The following SNX30 variants were observed in gnomAD, a reference collection of about 807,000 sequenced individuals.
The protein encoded by SNX30 is sorting nexin family member 30.
Under a neutral mutation model 46.4 loss-of-function variants are expected in SNX30, and 24 were observed. The observed-to-expected ratio is 0.52, with a 90% CI of 0.37 to 0.73. The LOEUF (loss-of-function observed/expected upper bound fraction) is 0.73, where lower values mean the gene tolerates loss of function less well. Among genes scored for constraint, SNX30 ranks in the 30% least tolerant of loss-of-function variants. The pLI is 0.00. For synonymous variants in SNX30, 189 were observed against 211.5 expected, an observed-to-expected ratio of 0.89 and a Z score of 0.92; for missense variants, 533 against 555.7, an observed-to-expected ratio of 0.96 and a Z score of 0.41.
intron 1 of SNX30, among the ~76,000 whole-genome samples, chr9:112,756,681 G>A (rs1342921514): frequency 2.6e-5 from 4 of 151,922 alleles, no homozygotes; most frequent in Admixed American, 2.0e-4. Context: ...GGCTGGTCTC[G>A]AACTCCTGAC....
chr9:112,786,016 C>T (rs1015203292), intron 1 of SNX30, among the ~76,000 whole-genome samples: 3 of 152,038 alleles, frequency 2.0e-5, no homozygotes, highest in Non-Finnish European at 4.4e-5. Context: ...ATCCTTACAG[C>T]TTATTGATCT....
chr9:112,824,634 G>T (rs1467665430), intron 3 of SNX30, among the ~76,000 whole-genome samples: 3 of 151,974 alleles, frequency 2.0e-5, no homozygotes, highest in South Asian at 4.2e-4. Context: ...CAACATATAG[G>T]CTAGGGCTGC....
intron 7 of SNX30, among the ~76,000 whole-genome samples, chr9:112,854,580 T>G (rs184117438): frequency 9.5e-4 from 145 of 152,344 alleles, no homozygotes; most frequent in African/African-American, 3.3e-3. Flanking sequence ...CTTTGCTGCT[T>G]CTTTAGCAAT....
intron 2 of SNX30, among the ~76,000 whole-genome samples, chr9:112,812,569 A>G (rs1840336653): frequency 6.6e-6 from 1 of 152,134 alleles, no homozygotes; most frequent in Admixed American, 6.6e-5. Flanking sequence ...CATCCCTTTC[A>G]TGATAACTTC....
At chr9:112,766,123 T>C (rs926342699) in intron 1 of SNX30, among the ~76,000 whole-genome samples, 1 of 152,134 alleles carries the variant, frequency 6.6e-6, no homozygotes, top group Non-Finnish European at 1.5e-5. Flanking sequence ...TCTTAGCAGA[T>C]TTTAAGTATA....
chr9:112,857,640 A>G (rs190733522), intron 7 of SNX30, among the ~76,000 whole-genome samples: 51 of 152,280 alleles, frequency 3.3e-4, no homozygotes, highest in Admixed American at 1.7e-3. Context: ...CTAACCTACT[A>G]TCATCATGAG....
intron 7 of SNX30, among the ~76,000 whole-genome samples, chr9:112,860,758 T>A (rs1050659396): frequency 1.3e-5 from 2 of 152,196 alleles, no homozygotes. Flanking sequence ...AATAATATAG[T>A]TTGTATTTGG....
intron 3 of SNX30, among the ~76,000 whole-genome samples, chr9:112,823,486 T>C (rs975634460): frequency 4.6e-5 from 7 of 152,222 alleles, no homozygotes; most frequent in Admixed American, 2.0e-4. Context: ...CCTGGAGCAC[T>C]AGTTACACAG....
Position 112,768,647 on chromosome 9 carries a change from C to CTTCTTCTTCTTT in SNX30, c.156+17492_156+17493insCTTCTTCTTTTT, listed in dbSNP as rs1554748345. On this transcript the variant is annotated intron_variant, in intron 1 of 8. Transcript: ENST00000374232. ...AAGTTTCTCTAGATAATTCTTTCTT[C>CTTCTTCTTCTTT]TTTTTTTTTTTTTTTTTTTTTTTTT... Among the ~76,000 whole-genome samples, 209 of 64,348 alleles carry CTTCTTCTTCTTT rather than the reference C, an allele frequency of 3.2e-3. 29 individuals are homozygous for CTTCTTCTTCTTT. Among genetic ancestry groups the CTTCTTCTTCTTT allele is most frequent in the Middle Eastern group, 7.5e-3 (1 of 134 alleles). The allele number at this position is 64,348 out of a possible 152,430, so 42.2% of individuals were successfully genotyped here. A position where few individuals can be genotyped will look rare whatever the true frequency, so the allele number is the denominator to read the frequency against.
intron 1 of SNX30, among the ~76,000 whole-genome samples, chr9:112,775,962 T>C (rs147069743): frequency 6.6e-6 from 1 of 152,256 alleles, no homozygotes; most frequent in Admixed American, 6.5e-5. Context: ...TTGTTTCAAT[T>C]AGTTCAGCAC....
downstream of SNX30, among the ~76,000 whole-genome samples, chr9:112,883,451 AG>A (rs1841607063): frequency 6.6e-6 from 1 of 151,802 alleles, no homozygotes; most frequent in Non-Finnish European, 1.5e-5. Context: ...AATACCTTGG[AG>A]GCTGTTTCCT....
intron 1 of SNX30, among the ~76,000 whole-genome samples, chr9:112,766,362 T>C (rs1477031953): frequency 6.6e-6 from 1 of 152,126 alleles, no homozygotes; most frequent in Non-Finnish European, 1.5e-5. Context: ...ACTTTTTTTT[T>C]TCCCAAAGAA....
intron 3 of SNX30, among the ~76,000 whole-genome samples, chr9:112,822,959 A>G (rs912989535): frequency 1.3e-5 from 2 of 150,552 alleles, no homozygotes; most frequent in African/African-American, 2.5e-5. Flanking sequence ...AGAAAGGCCA[A>G]ATCCCCATAA....
intron 3 of SNX30, among the ~76,000 whole-genome samples, chr9:112,824,308 G>A: frequency 7.0e-6 from 1 of 143,870 alleles, no homozygotes. Context: ...ATATTTAATG[G>A]ATTATTGTAA....
At chr9:112,786,117 C>CTTT (rs140987500) in intron 1 of SNX30, among the ~76,000 whole-genome samples, 5 of 130,190 alleles carry the variant, frequency 3.8e-5, no homozygotes, top group African/African-American at 1.4e-4. Context: ...AGGAGCTGTC[C>CTTT]TTTTTTTTTT....
intron 1 of SNX30, among the ~76,000 whole-genome samples, chr9:112,757,558 T>C (rs1046676218): frequency 5.3e-5 from 8 of 152,352 alleles, no homozygotes; most frequent in African/African-American, 1.9e-4. Flanking sequence ...CTATTTTTAA[T>C]GTCTTTAGAA....
Position 112,873,527 on chromosome 9 carries a change from CAAG to C in SNX30, c.*4687_*4689del, listed in dbSNP as rs1255067454. Reference sequence around the variant, plus strand: ...TCCTCAGGCCCCCTAAAGAAACAAGCAAGAAAGTGAGGGCCATCACTAGGGTTG... The same window carrying C: ...TCCTCAGGCCCCCTAAAGAAACAAGCAAAGTGAGGGCCATCACTAGGGTTG... On this transcript the variant is annotated 3_prime_UTR_variant, in exon 9 of 9. Coordinates refer to ENST00000374232, the MANE Select transcript of SNX30 (RefSeq NM_001012994.2). 6.6e-6 allele frequency: 1 copy of C among 152,026 alleles called. No individual in the cohort carries two copies. Among genetic ancestry groups the C allele is most frequent in the African/African-American group, 2.4e-5 (1 of 41,370 alleles). 9.4% of individuals were successfully genotyped at this position (152,026 alleles called of 1,614,324 possible). A position where few individuals can be genotyped will look rare whatever the true frequency, so the allele number is the denominator to read the frequency against.
chr9:112,860,506 C>T (rs190922260), intron 7 of SNX30, among the ~76,000 whole-genome samples: 3 of 152,266 alleles, frequency 2.0e-5, no homozygotes, highest in East Asian at 1.9e-4. Context: ...AGGCTTCTCT[C>T]GGACTCCCTG....
chr9:112,878,073 TCC>T (rs1344310563), downstream of SNX30: 3 of 152,238 alleles, frequency 2.0e-5, no homozygotes, highest in African/African-American at 7.2e-5. Flanking sequence ...ACAGCTCATC[TCC>T]TTTCTTCAAG....
Sources: gnomAD v4.1 joint callset for allele counts (sites outside exome capture counted in the v4.1 genomes callset) on GRCh38, gnomAD v4.1.1 for gene constraint, MANE v1.5 for transcripts, NCBI Gene and HGNC (gene_info 2026-07-23, HGNC 2026-07-21) for gene names.